Variants in SPATA13 observed in about 807,000 individuals in gnomAD.
The protein encoded by SPATA13 is spermatogenesis-associated protein 13.
Under a neutral mutation model 104.0 loss-of-function variants are expected in SPATA13, and 50 were observed. The ratio of observed to expected loss-of-function variants is 0.48; its 90% CI spans 0.38 to 0.61. The LOEUF (loss-of-function observed/expected upper bound fraction) is 0.61. Ranked by LOEUF, SPATA13 falls within the 20% of genes least tolerant of loss-of-function variation. The probability of loss-of-function intolerance (pLI) is 0.00; values close to 1 mark genes in which losing one functional copy is unlikely to be tolerated. For missense variants in SPATA13, 1,524 were observed against 1,690.6 expected (o/e 0.90, Z 1.73); for synonymous variants, 606 against 667.5 (o/e 0.91, Z 1.42).
chr13:24,019,349 A>G lies in SPATA13; in HGVS notation c.-112+1648A>G, dbSNP rs541419304. On this transcript the variant is annotated intron_variant, in intron 3 of 14. Transcript: ENST00000424834. ...GTGATCCGCCCGCCTCGGCCTCCCA[A>G]AGTGCTGGGATTACAGGCGTGAGCC... 1.2e-3 allele frequency among the ~76,000 whole-genome samples: 190 copies of G among 152,136 alleles called. 4 individuals are homozygous for G. Among genetic ancestry groups the G allele is most frequent in the African/African-American group, 4.5e-3 (186 of 41,512 alleles).
chr13:24,249,781 T>G lies in SPATA13; in HGVS notation c.1958T>G (p.Ile653Arg), dbSNP rs753630837. Residue 653 changes from isoleucine to arginine, a missense_variant, in exon 3 of 13, where the codon ATA becomes AGA. Physicochemically the swap from Ile to Arg is moderately conservative, Grantham distance 97 (BLOSUM62 -3). Transcript: ENST00000382108. Reference sequence around the variant, plus strand: ...CGGAGAAGGCGCCCCATTTCCGTGATAGGTGGGGTCAGCTTGTATGGGACC... The same window carrying G: ...CGGAGAAGGCGCCCCATTTCCGTGAGAGGTGGGGTCAGCTTGTATGGGACC... ...GARRRRPISVIGGVSLYGTNQ... is the reference protein window; with the variant it reads ...GARRRRPISVRGGVSLYGTNQ... 1 of 1,613,918 alleles carries G rather than the reference T, an allele frequency of 6.2e-7. No homozygotes were observed.
At chr13:24,182,356 G>A (rs1332554639) in intron 1 of SPATA13, among the ~76,000 whole-genome samples, 3 of 152,132 alleles carry the variant, frequency 2.0e-5, no homozygotes, top group Non-Finnish European at 4.4e-5. Flanking sequence ...GGTTAAATTG[G>A]CTCACGGTTC....
intron 3 of SPATA13, among the ~76,000 whole-genome samples, chr13:24,059,147 A>AT (rs559414742): frequency 1.1e-3 from 171 of 151,372 alleles, no homozygotes; most frequent in African/African-American, 4.1e-3. Context: ...AATTTTTTGT[A>AT]TTTTTAGTAG....
At chr13:24,001,315 G>A (rs998152505) in intron 2 of SPATA13, among the ~76,000 whole-genome samples, 2 of 152,154 alleles carry the variant, frequency 1.3e-5, no homozygotes, top group Non-Finnish European at 2.9e-5. Context: ...CTAAGGTCAG[G>A]ATGCCGGGGA....
chr13:24,022,583 TG>T (rs1877033244), intron 3 of SPATA13, among the ~76,000 whole-genome samples: 1 of 152,256 alleles, frequency 6.6e-6, no homozygotes, highest in East Asian at 1.9e-4. Context: ...CACTTGAAAA[TG>T]GTTAAGATGG....
chr13:23,992,898 C>T (rs967546557), intron 2 of SPATA13, among the ~76,000 whole-genome samples: 4 of 152,224 alleles, frequency 2.6e-5, no homozygotes, highest in Non-Finnish European at 5.9e-5. Flanking sequence ...GTGCCTGGCA[C>T]GGCAAGAGCT....
intron 10 of SPATA13, 98 bp downstream of exon 10, chr13:24,294,966 A>T: frequency 1.5e-6 from 2 of 1,304,068 alleles, no homozygotes; most frequent in Non-Finnish European, 2.1e-6. Flanking sequence ...TCAATATCTT[A>T]TATTCTTGGC....
At chr13:23,988,543 G>A (rs1312614858) in intron 2 of SPATA13, among the ~76,000 whole-genome samples, 2 of 152,192 alleles carry the variant, frequency 1.3e-5, no homozygotes, top group Non-Finnish European at 2.9e-5. Context: ...TTGCTGAGAA[G>A]AACGTTTTGG....
intron 3 of SPATA13, among the ~76,000 whole-genome samples, chr13:24,041,240 A>G (rs1178714224): frequency 6.6e-6 from 1 of 152,246 alleles, no homozygotes; most frequent in African/African-American, 2.4e-5. Flanking sequence ...CATGTTTTGA[A>G]GAATCTCCTG....
intron 8 of SPATA13, among the ~76,000 whole-genome samples, 176 bp from the exon 9 acceptor site, chr13:24,290,476 C>T (rs755689419): frequency 3.3e-5 from 5 of 152,198 alleles, no homozygotes; most frequent in African/African-American, 4.8e-5. Context: ...ATAACGCTTG[C>T]GGAAACCATG....
At chr13:24,044,845 C>T (rs1333706288) in intron 3 of SPATA13, among the ~76,000 whole-genome samples, 1 of 130,574 alleles carries the variant, frequency 7.7e-6, no homozygotes, top group African/African-American at 2.8e-5. Context: ...TGAAAATATC[C>T]ATCTCCTGGA....
chr13:24,257,495 T>C (rs1268737744), intron 4 of SPATA13, among the ~76,000 whole-genome samples: 9 of 152,136 alleles, frequency 5.9e-5, no homozygotes, highest in East Asian at 1.9e-4. Context: ...TAGCTAGATA[T>C]AAAAACTAGA....
rs113438094 is a variant in SPATA13 at position 24,072,898 on chromosome 13, A to T, written c.-112+55197A>T. ...TCCTTGGTCATCTCATCCAAAACTAAACCTAATGCACAGATGACTCCAGCC... is the reference window on the plus strand; with the variant it reads ...TCCTTGGTCATCTCATCCAAAACTATACCTAATGCACAGATGACTCCAGCC... On this transcript the variant is annotated intron_variant, in intron 3 of 14. Coordinates refer to the SPATA13 transcript ENST00000424834. 4.8e-4 allele frequency among the ~76,000 whole-genome samples: 71 copies of T among 147,910 alleles called. 1 individual carries two copies. The highest frequency in any genetic ancestry group is 3.5e-3 in the Middle Eastern group (1 of 282).
rs1177206152 is a variant in SPATA13, at chr13:24,253,462, T to G, written c.2164+1600T>G. On this transcript the variant is annotated intron_variant, in intron 4 of 12. Coordinates refer to ENST00000382108, the MANE Select transcript of SPATA13 (RefSeq NM_001166271.3). ...GTTCCATGCAGTGCCTCTTCAGCGT[T>G]GATTAACTAGAGGCAGATTTAAGCA... 1.5e-5 allele frequency among the ~76,000 whole-genome samples: 2 copies of G among 137,726 alleles called. 1 individual carries two copies. The highest frequency in any genetic ancestry group is 6.8e-3 in the Middle Eastern group (2 of 292). The allele number at this position is 137,726 out of a possible 152,430, so 90.4% of individuals were successfully genotyped here.
intron 2 of SPATA13, among the ~76,000 whole-genome samples, chr13:23,993,830 G>A (rs111713269): frequency 2.1e-3 from 319 of 152,292 alleles, no homozygotes; most frequent in Admixed American, 3.8e-3. Flanking sequence ...CAGGCTGAGG[G>A]TGAGGTCATT....
intron 3 of SPATA13, among the ~76,000 whole-genome samples, chr13:24,145,033 AT>A (rs1195937326): frequency 6.6e-6 from 1 of 152,160 alleles, no homozygotes; most frequent in Non-Finnish European, 1.5e-5. Flanking sequence ...GGAAAGGGAC[AT>A]TGTGAATATA....
intron 1 of SPATA13, among the ~76,000 whole-genome samples, chr13:24,204,895 A>G (rs1179619967): frequency 6.6e-6 from 1 of 152,182 alleles, no homozygotes; most frequent in Non-Finnish European, 1.5e-5. Context: ...GTTGTGAGTA[A>G]TGCTGCTGTG....
At chr13:24,133,071 C>G (rs1881438453) in intron 3 of SPATA13, among the ~76,000 whole-genome samples, 1 of 152,124 alleles carries the variant, frequency 6.6e-6, no homozygotes, top group South Asian at 2.1e-4. Context: ...GGGAAGGAGC[C>G]AACATTAGCA....
At chr13:24,131,119 G>C (rs977741335) in intron 3 of SPATA13, among the ~76,000 whole-genome samples, 1 of 152,208 alleles carries the variant, frequency 6.6e-6, no homozygotes, top group Admixed American at 6.5e-5. Flanking sequence ...TCCAGAAAAG[G>C]AATTATAAAA....
Sources: allele counts gnomAD v4.1 joint callset (sites outside exome capture counted in the v4.1 genomes callset), GRCh38; gene constraint gnomAD v4.1.1; transcripts MANE v1.5; gene names NCBI Gene and HGNC (gene_info 2026-07-23, HGNC 2026-07-21).